B4GALNT3: variants seen among roughly 807,000 people sequenced by gnomAD.
The protein encoded by B4GALNT3 is beta-1,4-N-acetyl-galactosaminyltransferase 3.
Under a neutral mutation model 120.2 loss-of-function variants are expected in B4GALNT3, and 86 were observed. That is an observed-to-expected ratio of 0.72 (90% CI 0.60 to 0.86). The LOEUF is 0.86. Among genes scored for constraint, B4GALNT3 ranks in the 40% least tolerant of loss-of-function variants. The probability of loss-of-function intolerance (pLI) is 0.00; values close to 1 mark genes in which losing one functional copy is unlikely to be tolerated. For synonymous variants in B4GALNT3, 518 were observed against 510.4 expected (o/e 1.01, Z -0.20); for missense variants, 1,167 against 1,298.9 (o/e 0.90, Z 1.56).
chr12:525,043 C>G lies in B4GALNT3; in HGVS notation c.170-10123C>G, dbSNP rs140856357. On this transcript the variant is annotated intron_variant, in intron 1 of 19. Coordinates refer to ENST00000266383, the MANE Select transcript of B4GALNT3 (RefSeq NM_173593.4). Reference sequence around the variant, plus strand: ...CACCCAGGTCCCTTTTGACATCTTACTGTAGTCAGCGTACAAGTCTAGCCT... The same window carrying G: ...CACCCAGGTCCCTTTTGACATCTTAGTGTAGTCAGCGTACAAGTCTAGCCT... 1.3e-3 allele frequency among the ~76,000 whole-genome samples: 198 copies of G among 152,310 alleles called. 1 individual carries two copies. The highest frequency in any genetic ancestry group is 4.6e-3 in the African/African-American group (191 of 41,572).
At chr12:478,430 G>A (rs1235030265) in intron 1 of B4GALNT3, among the ~76,000 whole-genome samples, 1 of 152,160 alleles carries the variant, frequency 6.6e-6, no homozygotes, top group East Asian at 1.9e-4. Context: ...AATACCACCT[G>A]TCTGTTTTAG....
chr12:554,745 G>A (rs1220483731), intron 14 of B4GALNT3, among the ~76,000 whole-genome samples: 3 of 115,404 alleles, frequency 2.6e-5, no homozygotes, highest in South Asian at 3.3e-4. Context: ...AGCTGAGATT[G>A]CGCCACTGCA....
intron 1 of B4GALNT3, among the ~76,000 whole-genome samples, chr12:476,925 A>G (rs912594560): frequency 1.3e-5 from 2 of 152,196 alleles, no homozygotes; most frequent in Non-Finnish European, 1.5e-5. Context: ...CTCCAATAGA[A>G]CATGAAATTC....
intron 1 of B4GALNT3, among the ~76,000 whole-genome samples, chr12:463,639 T>C (rs1261661574): frequency 6.6e-6 from 1 of 152,166 alleles, no homozygotes; most frequent in Non-Finnish European, 1.5e-5. Flanking sequence ...ACGCATATGT[T>C]TCTGTGACAC....
chr12:489,312 T>C (rs967005835), intron 1 of B4GALNT3, among the ~76,000 whole-genome samples: 9 of 144,896 alleles, frequency 6.2e-5, no homozygotes, highest in African/African-American at 2.3e-4. Flanking sequence ...GTTCTGCACA[T>C]GTATCCCAGA....
At chr12:487,420 A>T (rs1269743846) in intron 1 of B4GALNT3, among the ~76,000 whole-genome samples, 4 of 152,206 alleles carry the variant, frequency 2.6e-5, no homozygotes, top group East Asian at 1.9e-4. Context: ...TCAAAGATTT[A>T]AAAAAAGTCT....
chr12:524,366 A>G (rs1416717009), intron 1 of B4GALNT3, among the ~76,000 whole-genome samples: 3 of 152,238 alleles, frequency 2.0e-5, no homozygotes, highest in African/African-American at 7.2e-5. Flanking sequence ...TCCAGATCAG[A>G]TAATGTACCT....
Position 460,182 on chromosome 12 carries a change from C to A in B4GALNT3, c.-195C>A, listed in dbSNP as rs1363190349. On this transcript the variant is annotated 5_prime_UTR_variant, in exon 1 of 20. Coordinates refer to ENST00000266383, the MANE Select transcript of B4GALNT3 (RefSeq NM_173593.4). The surrounding 1 kb of genome is among the most constrained non-coding windows in gnomAD (Gnocchi z 8.0). ...CTCCCGGAGAGACCTGCTGGGCGCC[C>A]GCGCAGCCCGGAGACCCCTCGCGCC... Among the ~76,000 whole-genome samples the A allele has an allele frequency of 6.6e-6, 1 of 150,506 alleles. No homozygotes were observed. Among genetic ancestry groups the A allele is most frequent in the African/African-American group, 2.4e-5 (1 of 41,252 alleles).
At chr12:473,078 C>T (rs949019120) in intron 1 of B4GALNT3, among the ~76,000 whole-genome samples, 1 of 151,914 alleles carries the variant, frequency 6.6e-6, no homozygotes, top group South Asian at 2.1e-4. Flanking sequence ...AAGCAATCCT[C>T]CTGCCTTGGC....
At chr12:534,294 T>G (rs956828919) in intron 1 of B4GALNT3, among the ~76,000 whole-genome samples, 1 of 152,206 alleles carries the variant, frequency 6.6e-6, no homozygotes, top group Non-Finnish European at 1.5e-5. Flanking sequence ...TTCTGGTTTG[T>G]GACTAACAGT....
At chr12:560,133 G>C (rs1220185664) in intron 19 of B4GALNT3, among the ~76,000 whole-genome samples, 2 of 152,198 alleles carry the variant, frequency 1.3e-5, no homozygotes, top group African/African-American at 2.4e-5. Flanking sequence ...AGAAGGGGCA[G>C]AGAGAGGATG....
chr12:508,807 G>C (rs1488779707), intron 1 of B4GALNT3, among the ~76,000 whole-genome samples: 1 of 152,208 alleles, frequency 6.6e-6, no homozygotes, highest in Non-Finnish European at 1.5e-5. Context: ...AAGTAAGGGA[G>C]AACTAGACAA....
At chr12:555,850 T>C (rs1947147125) in intron 14 of B4GALNT3, among the ~76,000 whole-genome samples, 3 of 152,078 alleles carry the variant, frequency 2.0e-5, no homozygotes, top group Non-Finnish European at 4.4e-5. Flanking sequence ...AGTGGCGCGA[T>C]CTCGACTCAT....
At position 536,254 on chromosome 12, in the gene B4GALNT3, A is replaced by C. The variant is rs769477950; in HGVS notation, c.310A>C (p.Ser104Arg). Residue 104 changes from serine to arginine, a missense_variant, in exon 3 of 20, where the codon AGC becomes CGC. Physicochemically the swap from Ser to Arg is moderately radical, Grantham distance 110. Around this residue, in one of 3 missense-constraint regions of B4GALNT3, gnomAD observed 171 missense variants for 161.3 expected, o/e 1.06. Coordinates refer to ENST00000266383, the MANE Select transcript of B4GALNT3 (RefSeq NM_173593.4). ...DIDQGVSSNS[S>R]YLKWNKPVPW... Reference sequence around the variant, plus strand: ...TGACCAAGGGGTGAGCAGTAACAGCAGCTACTTGAAGTGGAACAAGCCTGT... The same window carrying C: ...TGACCAAGGGGTGAGCAGTAACAGCCGCTACTTGAAGTGGAACAAGCCTGT... 6.2e-7 allele frequency: 1 copy of C among 1,614,174 alleles called. No individual in the cohort carries two copies. Among genetic ancestry groups the C allele is most frequent in the Non-Finnish European group, 8.5e-7 (1 of 1,180,004 alleles).
At chr12:532,184 C>T (rs950001527) in intron 1 of B4GALNT3, among the ~76,000 whole-genome samples, 1 of 152,180 alleles carries the variant, frequency 6.6e-6, no homozygotes, top group African/African-American at 2.4e-5. Context: ...TTTTCCTACT[C>T]CTTAAATCCA....
In B4GALNT3 at chr12:562,115, C is replaced by CA. The variant is rs1347340098; in HGVS notation, c.*665dup. 1 of 152,310 alleles carries CA rather than the reference C, an allele frequency of 6.6e-6. No individual in the cohort carries two copies. Among genetic ancestry groups the CA allele is most frequent in the Non-Finnish European group, 1.5e-5 (1 of 68,116 alleles). The allele number at this position is 152,310 out of a possible 1,614,324, so 9.4% of individuals were successfully genotyped here. On this transcript the variant is annotated 3_prime_UTR_variant, in exon 20 of 20. Coordinates refer to ENST00000266383, the MANE Select transcript of B4GALNT3 (RefSeq NM_173593.4). The surrounding 1 kb of genome is among the most constrained non-coding windows in gnomAD (Gnocchi z 5.2). ...GGGCATTAACTTCCTCCGGATGGCT[C>CA]ACGTCAGACCAGAAGCACAGAACGG...
At chr12:508,215 C>T (rs1946516335) in intron 1 of B4GALNT3, among the ~76,000 whole-genome samples, 1 of 152,232 alleles carries the variant, frequency 6.6e-6, no homozygotes, top group Admixed American at 6.5e-5. Context: ...AGAAAGCTTC[C>T]AGATCCTTCA....
At chr12:517,619 A>G (rs954868949) in intron 1 of B4GALNT3, among the ~76,000 whole-genome samples, 4 of 152,258 alleles carry the variant, frequency 2.6e-5, no homozygotes, top group African/African-American at 7.2e-5. Flanking sequence ...CAAAATGCCT[A>G]TTCATGACCT....
At position 499,491 on chromosome 12, in the gene B4GALNT3, G is replaced by A. The variant is rs1014934967; in HGVS notation, c.170-35675G>A. Among the ~76,000 whole-genome samples the A allele has an allele frequency of 4.8e-4, 63 of 130,504 alleles. 1 individual carries two copies. The highest frequency in any genetic ancestry group is 3.4e-3 in the Middle Eastern group (1 of 290). The allele number at this position is 130,504 out of a possible 152,430, so 85.6% of individuals were successfully genotyped here. A position where few individuals can be genotyped will look rare whatever the true frequency, so the allele number is the denominator to read the frequency against. ...TCACTATCTAGAACACTCCTAGCCC[G>A]TGGAGCCCGTGCTCTCACTATCTAC... On this transcript the variant is annotated intron_variant, in intron 1 of 19. Transcript: ENST00000266383.
Sources: gnomAD v4.1 joint callset for allele counts (sites outside exome capture counted in the v4.1 genomes callset) on GRCh38, gnomAD v4.1.1 for gene constraint, gnomAD v4.1.1 regional missense constraint, Gnocchi (gnomAD v3.1) non-coding constraint, MANE v1.5 for transcripts, NCBI Gene and HGNC (gene_info 2026-07-23, HGNC 2026-07-21) for gene names.